Variants in PTPRM observed in about 807,000 individuals in gnomAD.
The protein encoded by PTPRM is protein tyrosine phosphatase receptor type M, also known as receptor-type tyrosine-protein phosphatase mu.
Under a neutral mutation model 186.7 loss-of-function variants are expected in PTPRM, and 47 were observed. That is an observed-to-expected ratio of 0.25 (90% CI 0.20 to 0.32). The LOEUF is 0.32. Among genes scored for constraint, PTPRM ranks in the 10% least tolerant of loss-of-function variants. PTPRM has a pLI of 1.00. For synonymous variants in PTPRM, 668 were observed against 674.9 expected (o/e 0.99, Z 0.16); for missense variants, 1,494 against 1,865.0 (o/e 0.80, Z 3.66).
At chr18:7,892,142 T>A (rs1184294983) in intron 3 of PTPRM, among the ~76,000 whole-genome samples, 2 of 152,216 alleles carry the variant, frequency 1.3e-5, no homozygotes, top group Non-Finnish European at 2.9e-5. Context: ...AGAAGGTATG[T>A]CCTGCTCATG....
At chr18:8,287,901 G>T (rs977234307) in intron 19 of PTPRM, among the ~76,000 whole-genome samples, 2 of 152,212 alleles carry the variant, frequency 1.3e-5, no homozygotes, top group Admixed American at 1.3e-4. Context: ...ACCTGTGACA[G>T]ATTGCTCACT....
intron 2 of PTPRM, among the ~76,000 whole-genome samples, chr18:7,884,953 G>GAAAAAA (rs2048708561): frequency 1.8e-5 from 2 of 110,470 alleles, no homozygotes; most frequent in African/African-American, 3.2e-5. Context: ...AAAAAAAAAG[G>GAAAAAA]AGAGAGAGAA....
intron 11 of PTPRM, among the ~76,000 whole-genome samples, chr18:8,103,802 C>T (rs1439257821): frequency 6.6e-6 from 1 of 152,126 alleles, no homozygotes; most frequent in Non-Finnish European, 1.5e-5. Flanking sequence ...GCCTAGCTTT[C>T]GAACTGTCTT....
intron 1 of PTPRM, among the ~76,000 whole-genome samples, chr18:7,622,128 G>A (rs2037954534): frequency 6.6e-6 from 1 of 152,182 alleles, no homozygotes; most frequent in Non-Finnish European, 1.5e-5. Context: ...GAATTTGGTG[G>A]TGTCAGTGTT....
chr18:8,123,287 A>G (rs2092238977), intron 13 of PTPRM, among the ~76,000 whole-genome samples: 1 of 152,224 alleles, frequency 6.6e-6, no homozygotes, highest in Non-Finnish European at 1.5e-5. Context: ...TACTTTCTAT[A>G]TGATTTTCAC....
intron 14 of PTPRM, among the ~76,000 whole-genome samples, chr18:8,215,496 C>CT (rs757659956): frequency 4.1e-5 from 6 of 147,584 alleles, no homozygotes; most frequent in Non-Finnish European, 9.0e-5. Flanking sequence ...TGCCTTAATT[C>CT]TTTCCTTAAG....
At chr18:8,235,678 A>T in intron 14 of PTPRM, among the ~76,000 whole-genome samples, 1 of 150,704 alleles carries the variant, frequency 6.6e-6, no homozygotes, top group African/African-American at 2.4e-5. Context: ...TTGGTTTTAG[A>T]TGTTTCTTTT....
At chr18:7,992,539 G>C (rs558371560) in intron 7 of PTPRM, among the ~76,000 whole-genome samples, 81 of 152,210 alleles carry the variant, frequency 5.3e-4, no homozygotes, top group South Asian at 1.5e-3. Context: ...GTAGACAGTA[G>C]ATCCAGGGAC....
chr18:7,852,298 TG>T (rs1419303750), intron 2 of PTPRM, among the ~76,000 whole-genome samples: 2 of 152,158 alleles, frequency 1.3e-5, no homozygotes, highest in African/African-American at 2.4e-5. Context: ...TTATATCAGC[TG>T]GGCATGGTAG....
intron 1 of PTPRM, among the ~76,000 whole-genome samples, chr18:7,601,582 A>G (rs974736694): frequency 6.6e-6 from 1 of 152,168 alleles, no homozygotes; most frequent in African/African-American, 2.4e-5. Flanking sequence ...CCGTCTTCAC[A>G]TCACCTTCTC....
At chr18:8,400,538 G>A (rs1486523046) in intron 32 of PTPRM, among the ~76,000 whole-genome samples, 1 of 152,214 alleles carries the variant, frequency 6.6e-6, no homozygotes, top group African/African-American at 2.4e-5. Context: ...GAGAAAGTTG[G>A]TGTAGGAGGA....
intron 19 of PTPRM, among the ~76,000 whole-genome samples, chr18:8,264,495 G>T (rs2094674752): frequency 6.6e-6 from 1 of 152,108 alleles, no homozygotes; most frequent in South Asian, 2.1e-4. Flanking sequence ...ACCAGGCCGG[G>T]CGTGGTGGCT....
chr18:7,775,385 T>A (rs138642994), intron 2 of PTPRM, among the ~76,000 whole-genome samples: 68 of 152,342 alleles, frequency 4.5e-4, no homozygotes, highest in Non-Finnish European at 5.4e-4. Flanking sequence ...CTGTTGAATA[T>A]GACTGTTTAA....
chr18:7,853,289 T>G (rs536093027), intron 2 of PTPRM, among the ~76,000 whole-genome samples: 1 of 152,236 alleles, frequency 6.6e-6, no homozygotes, highest in Non-Finnish European at 1.5e-5. Flanking sequence ...GTTATCCTTA[T>G]GTGAGTTACT....
intron 2 of PTPRM, among the ~76,000 whole-genome samples, chr18:7,876,678 T>G (rs2048260651): frequency 6.6e-6 from 1 of 152,222 alleles, no homozygotes; most frequent in East Asian, 1.9e-4. Context: ...AGTGAGCATG[T>G]TCACATGTTG....
intron 19 of PTPRM, among the ~76,000 whole-genome samples, chr18:8,261,017 A>G (rs1177920502): frequency 6.6e-6 from 1 of 152,164 alleles, no homozygotes; most frequent in Non-Finnish European, 1.5e-5. Context: ...AGCTGACAGA[A>G]CATTGCCTGT....
chr18:7,988,764 C>T (rs962225544), intron 7 of PTPRM, among the ~76,000 whole-genome samples: 2 of 152,168 alleles, frequency 1.3e-5, no homozygotes, highest in African/African-American at 2.4e-5. Context: ...GTGGCTGAGT[C>T]ATATTCCATT....
At chr18:8,088,947 C>A in intron 11 of PTPRM, 96 bp downstream of exon 11, 1 of 932,486 alleles carries the variant, frequency 1.1e-6, no homozygotes, top group Non-Finnish European at 1.7e-6. Flanking sequence ...TGCTGCAAAT[C>A]TCAGCCAGCA....
At chr18:8,400,798 T>C (rs969669282) in intron 32 of PTPRM, among the ~76,000 whole-genome samples, 1 of 152,310 alleles carries the variant, frequency 6.6e-6, no homozygotes, top group Admixed American at 6.5e-5. Flanking sequence ...CTCTCCCCCT[T>C]GTGCCACCAA....
Sources: allele counts gnomAD v4.1 joint callset (sites outside exome capture counted in the v4.1 genomes callset), GRCh38; gene constraint gnomAD v4.1.1; transcripts MANE v1.5; gene names NCBI Gene and HGNC (gene_info 2026-07-23, HGNC 2026-07-21).